The following ELL variants were observed in gnomAD, a reference collection of about 807,000 sequenced individuals.
ELL encodes elongation factor for RNA polymerase II.
Under a neutral mutation model 64.0 loss-of-function variants are expected in ELL, and 18 were observed. The ratio of observed to expected loss-of-function variants is 0.28; its 90% confidence interval spans 0.19 to 0.42. The LOEUF (loss-of-function observed/expected upper bound fraction) is 0.42. Among genes scored for constraint, ELL ranks in the 10% least tolerant of loss-of-function variants. The probability of loss-of-function intolerance (pLI) is 1.00; values close to 1 mark genes in which losing one functional copy is unlikely to be tolerated. For synonymous variants in ELL, 399 were observed against 376.2 expected (o/e 1.06, Z -0.70); for missense variants, 797 against 870.4 (o/e 0.92, Z 1.06).
Position 18,461,749 on chromosome 19 carries a change from A to G in ELL, c.573T>C (p.Ser191=). The G allele has an allele frequency of 1.2e-6, 2 of 1,613,562 alleles. No individual in the cohort carries two copies. Among genetic ancestry groups the G allele is most frequent in the South Asian group, 2.2e-5 (2 of 91,068 alleles). ...TGCCCCCACTCACGGCACTGGCACC[A>G]CTCTTCCTGATGGCACTCGCCAAGT... ...PINLASAIRK[S]GASAVSGGSG... is the part of the protein sequence containing the mutation. The change falls in exon 5 of 12, where the codon AGT becomes AGC. Residue 191 remains serine (S), a synonymous_variant. Coordinates refer to ENST00000262809, the MANE Select transcript of ELL (RefSeq NM_006532.4).
chr19:18,463,941 G>A (rs372741824), intron 4 of ELL, among the ~76,000 whole-genome samples: 16 of 150,748 alleles, frequency 1.1e-4, no homozygotes, highest in African/African-American at 2.9e-4. Flanking sequence ...AGCCGAGATC[G>A]CGCCACTGCA....
At chr19:18,490,904 C>A (rs763662031) in intron 1 of ELL, among the ~76,000 whole-genome samples, 3 of 152,188 alleles carry the variant, frequency 2.0e-5, no homozygotes, top group African/African-American at 4.8e-5. Flanking sequence ...CCCGGTCTCA[C>A]ACATGCTCAC....
chr19:18,522,065 A>T lies in ELL; in HGVS notation c.-10T>A. The T allele has an allele frequency of 6.3e-7, 1 of 1,588,798 alleles. No individual in the cohort carries two copies. Among genetic ancestry groups the T allele is most frequent in the Non-Finnish European group, 8.6e-7 (1 of 1,166,150 alleles). Reference sequence around the variant, plus strand: ...CCTTCAGCGCCGCCATCTTGCGACCATCTCTCCCCCGCGCCCCCTTCCCGG... The same window carrying T: ...CCTTCAGCGCCGCCATCTTGCGACCTTCTCTCCCCCGCGCCCCCTTCCCGG... On this transcript the variant is annotated 5_prime_UTR_variant, in exon 1 of 12. It removes an upstream start codon present in the reference 5' UTR. Coordinates refer to ENST00000262809, the MANE Select transcript of ELL (RefSeq NM_006532.4).
At position 18,508,345 on chromosome 19, in the gene ELL, C is replaced by A. The variant is rs575400691; in HGVS notation, c.135+13576G>T. Among the ~76,000 whole-genome samples, 6 of 152,318 alleles carry A rather than the reference C, an allele frequency of 3.9e-5. No individual in the cohort carries two copies. In the East Asian group the frequency reaches 9.6e-4, roughly 24 times the overall value. On this transcript the variant is annotated intron_variant, in intron 1 of 11. Coordinates refer to ENST00000262809, the MANE Select transcript of ELL (RefSeq NM_006532.4). ...AACAAAAATAGAATAAAATAAAATACAATACAAGAGTCAGCAGCCAGGAGG... is the reference window on the plus strand; with the variant it reads ...AACAAAAATAGAATAAAATAAAATAAAATACAAGAGTCAGCAGCCAGGAGG...
intron 6 of ELL, among the ~76,000 whole-genome samples, chr19:18,451,869 C>T (rs1974546645): frequency 6.6e-6 from 1 of 152,196 alleles, no homozygotes; most frequent in Non-Finnish European, 1.5e-5. Context: ...CCCCTGAGCC[C>T]AGAGGAGGAT....
Position 18,450,569 on chromosome 19 carries a change from T to A in ELL, c.1373A>T (p.Lys458Met). 2 of 1,612,752 alleles carry A rather than the reference T, an allele frequency of 1.2e-6. No homozygotes were observed. Among genetic ancestry groups the A allele is most frequent in the Non-Finnish European group, 1.7e-6 (2 of 1,179,830 alleles). The stretch of plus-strand genomic sequence containing the variant: ...GGGCTTGTCCTCAGCCGCCCTCTCC[T>A]TGTCTTTGTGCTTCTTGGACTTCTT... Reference protein sequence around the residue: ...PKKKSKKHKDKERAAEDKPRA... With the variant: ...PKKKSKKHKDMERAAEDKPRA... The change falls in exon 8 of 12, where the codon AAG becomes ATG. Residue 458 changes from lysine to methionine, a missense_variant. Physicochemically the swap from Lys to Met is moderately conservative, Grantham distance 95 (BLOSUM62 -1). Coordinates refer to ENST00000262809, the MANE Select transcript of ELL (RefSeq NM_006532.4).
At chr19:18,467,131 G>A (rs766424673) in intron 2 of ELL, among the ~76,000 whole-genome samples, 1 of 152,136 alleles carries the variant, frequency 6.6e-6, no homozygotes, top group African/African-American at 2.4e-5. Flanking sequence ...CCAGCCCAGT[G>A]CCAGTCCCTG....
At chr19:18,460,845 A>G (rs1974794731) in intron 5 of ELL, among the ~76,000 whole-genome samples, 1 of 152,038 alleles carries the variant, frequency 6.6e-6, no homozygotes, top group African/African-American at 2.4e-5. Flanking sequence ...ATCCGAGGAG[A>G]CCCATCCTCA....
chr19:18,485,715 C>T (rs1975397956), intron 1 of ELL, among the ~76,000 whole-genome samples: 1 of 151,940 alleles, frequency 6.6e-6, no homozygotes, highest in African/African-American at 2.4e-5. Context: ...GGGCCGGGCG[C>T]GGTGGCTCAC....
intron 1 of ELL, among the ~76,000 whole-genome samples, chr19:18,483,203 C>T (rs1335610888): frequency 6.6e-6 from 1 of 152,186 alleles, no homozygotes; most frequent in Non-Finnish European, 1.5e-5. Context: ...GCTGCCACAG[C>T]CCCCAGTGAA....
intron 1 of ELL, among the ~76,000 whole-genome samples, chr19:18,487,495 G>C (rs1975444638): frequency 6.6e-6 from 1 of 152,212 alleles, no homozygotes; most frequent in Admixed American, 6.5e-5. Context: ...CACCTTGCTG[G>C]GTCTGACAGA....
chr19:18,454,966 C>T (rs1974626502), intron 6 of ELL, among the ~76,000 whole-genome samples: 1 of 150,844 alleles, frequency 6.6e-6, no homozygotes. Flanking sequence ...ATGGTGAAAC[C>T]CCAGATCTAC....
chr19:18,465,632 G>C (rs972708740), intron 3 of ELL, 57 bp from the exon 4 acceptor site: 1 of 1,499,468 alleles, frequency 6.7e-7, no homozygotes, highest in East Asian at 2.5e-5. Context: ...GGGAGGATCC[G>C]TTGAGGGCCC....
intron 8 of ELL, 54 bp from the exon 9 acceptor site, chr19:18,446,868 G>C: frequency 6.3e-7 from 1 of 1,592,154 alleles, no homozygotes; most frequent in Non-Finnish European, 8.6e-7. Flanking sequence ...CCGGTCGGCA[G>C]GAAGCACGCC....
At chr19:18,447,645 G>T (rs1048106054) in intron 8 of ELL, among the ~76,000 whole-genome samples, 4 of 152,246 alleles carry the variant, frequency 2.6e-5, no homozygotes, top group Non-Finnish European at 5.9e-5. Flanking sequence ...TGGAAATCAG[G>T]GAGGGGAGGG....
Position 18,446,494 on chromosome 19 carries a change from G to C in ELL, c.1533-14C>G. 1 of 1,609,026 alleles carries C rather than the reference G, an allele frequency of 6.2e-7. No individual in the cohort carries two copies. The highest frequency in any genetic ancestry group is 8.5e-7 in the Non-Finnish European group (1 of 1,178,684). ...GCTGCGTACTTCCTGAAACAGGAGAGAGGGGCCACTGAGTGGAGGCTGGAA... is the reference window on the plus strand; with the variant it reads ...GCTGCGTACTTCCTGAAACAGGAGACAGGGGCCACTGAGTGGAGGCTGGAA... On this transcript the variant is annotated splice_polypyrimidine_tract_variant and intron_variant, in intron 9 of 11. Transcript: ENST00000262809.
chr19:18,521,826 A>AGC, intron 1 of ELL, 95 bp downstream of exon 1: 1 of 1,462,438 alleles, frequency 6.8e-7, no homozygotes, highest in Non-Finnish European at 9.1e-7. Context: ...CCACAGACCT[A>AGC]GCGTCTCCGA....
intron 1 of ELL, among the ~76,000 whole-genome samples, chr19:18,496,039 G>A (rs1267447713): frequency 2.6e-5 from 4 of 152,180 alleles, no homozygotes; most frequent in Non-Finnish European, 5.9e-5. Flanking sequence ...ACTGCAGAGG[G>A]CGTGGAGATG....
In ELL at chr19:18,499,607, C is replaced by A. The variant is rs954654402; in HGVS notation, c.135+22314G>T. On this transcript the variant is annotated intron_variant, in intron 1 of 11. Transcript: ENST00000262809. ...CCACCGTGTGGCTGTGAATGATGGA[C>A]TTGACATCTGAACTCATCAGTTTTC... is the stretch of plus-strand genomic sequence containing the variant. 6.0e-4 allele frequency among the ~76,000 whole-genome samples: 91 copies of A among 152,200 alleles called. 1 individual carries two copies. The highest frequency in any genetic ancestry group is 5.9e-5 in the Non-Finnish European group (4 of 68,044).
Sources: gnomAD v4.1 joint callset for allele counts (sites outside exome capture counted in the v4.1 genomes callset) on GRCh38, gnomAD v4.1.1 for gene constraint, MANE v1.5 for transcripts, NCBI Gene and HGNC (gene_info 2026-07-23, HGNC 2026-07-21) for gene names.